GALNT17: variants seen among roughly 807,000 people sequenced by gnomAD.
GALNT17 encodes polypeptide N-acetylgalactosaminyltransferase 17.
A neutral mutation model predicts 63.7 loss-of-function variants in GALNT17; 29 were observed. The observed-to-expected ratio is 0.46, with a 90% CI of 0.34 to 0.62. The LOEUF is 0.62. Ranked by LOEUF, GALNT17 falls within the 20% of genes least tolerant of loss-of-function variation. The pLI, the probability that GALNT17 is intolerant of heterozygous loss-of-function variation, is 0.01. For missense variants in GALNT17, 603 were observed against 799.6 expected (o/e 0.75, Z 2.97); for synonymous variants, 305 against 318.3 (o/e 0.96, Z 0.45).
intron 5 of GALNT17, among the ~76,000 whole-genome samples, chr7:71,510,162 G>A (rs1042643089): frequency 6.6e-6 from 1 of 152,036 alleles, no homozygotes; most frequent in East Asian, 1.9e-4. Flanking sequence ...GCCCAGGCTG[G>A]TCTCAAACTC....
At chr7:71,188,613 T>A (rs185184134) in intron 1 of GALNT17, among the ~76,000 whole-genome samples, 413 of 152,346 alleles carry the variant, frequency 2.7e-3, no homozygotes, top group Non-Finnish European at 5.0e-3. Flanking sequence ...TTGAGTTCAT[T>A]GTAGATTCTG....
chr7:71,457,328 C>T (rs1003604508), intron 5 of GALNT17, among the ~76,000 whole-genome samples: 1 of 152,126 alleles, frequency 6.6e-6, no homozygotes, highest in Admixed American at 6.6e-5. Context: ...ATGTAGTTCC[C>T]AGCGTGACTT....
At chr7:71,364,247 AT>A (rs1792460486) in intron 2 of GALNT17, among the ~76,000 whole-genome samples, 1 of 152,158 alleles carries the variant, frequency 6.6e-6, no homozygotes, top group Non-Finnish European at 1.5e-5. Context: ...CAGGCCAGAG[AT>A]TTGAAGTCAG....
At chr7:71,259,639 T>TTTTG (rs1790348308) in intron 1 of GALNT17, among the ~76,000 whole-genome samples, 1 of 94,510 alleles carries the variant, frequency 1.1e-5, no homozygotes, top group Non-Finnish European at 2.3e-5. Flanking sequence ...TTGTTTTTTG[T>TTTTG]TTTTTTGTTT....
chr7:71,222,776 T>G (rs1033424165), intron 1 of GALNT17, among the ~76,000 whole-genome samples: 4 of 152,130 alleles, frequency 2.6e-5, no homozygotes, highest in Admixed American at 1.3e-4. Flanking sequence ...ATTCTTAGCT[T>G]AAGATGGTTT....
rs374526204 is a variant in GALNT17, at chr7:71,335,706, G to A, written c.395G>A (p.Arg132His). 5.0e-6 allele frequency: 8 copies of A among 1,606,306 alleles called. No homozygotes were observed. The highest frequency in any genetic ancestry group is 6.8e-6 in the Non-Finnish European group (8 of 1,176,694). ...CTCAGTGAAAAAATTTCACTGGACC[G>A]TTCCATTCCGGATTATCGTCCCACC... ...SYLSEKISLD[R>H]SIPDYRPTKC... is the part of the protein sequence containing the mutation. Residue 132 changes from arginine (R) to histidine (H), a missense_variant, in exon 2 of 11, where the codon CGT (arginine) becomes CAT (histidine). Coordinates refer to ENST00000333538, the MANE Select transcript of GALNT17 (RefSeq NM_022479.3).
chr7:71,236,686 A>G (rs75205702), intron 1 of GALNT17, among the ~76,000 whole-genome samples: 1 of 152,288 alleles, frequency 6.6e-6, no homozygotes, highest in African/African-American at 2.4e-5. Context: ...ATGCAACCGA[A>G]CAATAGCAAC....
At chr7:71,689,990 A>G (rs1477588555) in intron 9 of GALNT17, among the ~76,000 whole-genome samples, 2 of 151,416 alleles carry the variant, frequency 1.3e-5, no homozygotes, top group African/African-American at 4.9e-5. Flanking sequence ...ATATCAGTGC[A>G]TCTGTTTACA....
intron 3 of GALNT17, among the ~76,000 whole-genome samples, chr7:71,412,100 C>T (rs1326871140): frequency 1.3e-5 from 2 of 152,182 alleles, no homozygotes; most frequent in African/African-American, 2.4e-5. Flanking sequence ...AGTATGGCTT[C>T]TCCAGCCCTT....
chr7:71,491,338 G>A (rs1788003723), intron 5 of GALNT17, among the ~76,000 whole-genome samples: 1 of 152,122 alleles, frequency 6.6e-6, no homozygotes, highest in Non-Finnish European at 1.5e-5. Context: ...GGTACCAGCA[G>A]CCTTCATTTT....
intron 5 of GALNT17, among the ~76,000 whole-genome samples, chr7:71,510,135 T>C (rs1788331833): frequency 1.3e-5 from 2 of 152,192 alleles, no homozygotes; most frequent in Middle Eastern, 3.4e-3. Context: ...TTTGTAGAGA[T>C]GGGGCCTTGC....
At chr7:71,696,390 G>C (rs139649210) in intron 9 of GALNT17, among the ~76,000 whole-genome samples, 379 of 152,286 alleles carry the variant, frequency 2.5e-3, no homozygotes, top group African/African-American at 8.5e-3. Flanking sequence ...TGGGATTACA[G>C]GTGTGAGCCC....
chr7:71,690,368 G>GA lies in GALNT17; in HGVS notation c.1500+13076dup, dbSNP rs772531300. On this transcript the variant is annotated intron_variant, in intron 9 of 10. Transcript: ENST00000333538. The stretch of plus-strand genomic sequence containing the variant: ...GCCCACTGTCCAGTCCCACTTCTCA[G>GA]AAAAAAAAAAAAAAGATTCCTTTCA... Among the ~76,000 whole-genome samples, 925 of 132,150 alleles carry GA rather than the reference G, an allele frequency of 7.0e-3. 21 individuals are homozygous for GA. The highest frequency in any genetic ancestry group is 0.036 in the Admixed American group (470 of 13,102). 86.7% of individuals were successfully genotyped at this position (132,150 alleles called of 152,430 possible). A position where few individuals can be genotyped will look rare whatever the true frequency, so the allele number is the denominator to read the frequency against.
intron 2 of GALNT17, among the ~76,000 whole-genome samples, chr7:71,336,415 A>G (rs947331744): frequency 6.6e-6 from 1 of 152,076 alleles, no homozygotes; most frequent in Non-Finnish European, 1.5e-5. Context: ...GGTTAATTGC[A>G]TGTCACAGGG....
At chr7:71,176,680 GC>G (rs1788644681) in intron 1 of GALNT17, among the ~76,000 whole-genome samples, 1 of 152,134 alleles carries the variant, frequency 6.6e-6, no homozygotes. Flanking sequence ...AATAGGGTTT[GC>G]TAGCCTCCCT....
At chr7:71,666,140 G>A (rs1039089093) in intron 7 of GALNT17, among the ~76,000 whole-genome samples, 6 of 151,946 alleles carry the variant, frequency 3.9e-5, no homozygotes, top group Non-Finnish European at 8.8e-5. Flanking sequence ...TCATTTATGA[G>A]TCAGGAGATC....
chr7:71,411,672 G>A (rs954839251), intron 3 of GALNT17, among the ~76,000 whole-genome samples: 1 of 152,160 alleles, frequency 6.6e-6, no homozygotes, highest in East Asian at 1.9e-4. Flanking sequence ...CACTCATCCA[G>A]TTCTCCTTGT....
At chr7:71,373,566 A>G (rs1166481488) in intron 2 of GALNT17, among the ~76,000 whole-genome samples, 1 of 152,096 alleles carries the variant, frequency 6.6e-6, no homozygotes, top group Non-Finnish European at 1.5e-5. Context: ...GCGAAGCTTC[A>G]CCTGTATTTA....
intron 5 of GALNT17, among the ~76,000 whole-genome samples, chr7:71,487,204 A>C (rs1177698022): frequency 6.6e-6 from 1 of 152,150 alleles, no homozygotes; most frequent in Non-Finnish European, 1.5e-5. Context: ...TCCATTTCAG[A>C]GCTTGCTGCC....
Sources: allele counts gnomAD v4.1 joint callset (sites outside exome capture counted in the v4.1 genomes callset), GRCh38; gene constraint gnomAD v4.1.1; transcripts MANE v1.5; gene names NCBI Gene and HGNC (gene_info 2026-07-23, HGNC 2026-07-21).